The following INTS14 variants were observed in gnomAD, a reference collection of about 807,000 sequenced individuals.
The protein encoded by INTS14 is UPF0464 protein C15orf44.
A neutral mutation model predicts 56.9 loss-of-function variants in INTS14; 27 were observed. The observed-to-expected ratio is 0.47, with a 90% confidence interval of 0.35 to 0.65. INTS14 has a LOEUF of 0.65. Ranked by LOEUF, INTS14 falls within the 30% of genes least tolerant of loss-of-function variation. INTS14 has a pLI of 0.00. For synonymous variants in INTS14, 207 were observed against 236.2 expected (o/e 0.88, Z 1.13); for missense variants, 517 against 632.2 (o/e 0.82, Z 1.95).
In INTS14 at chr15:65,598,972, A is replaced by C. The variant is rs2100203794; in HGVS notation, c.505T>G (p.Leu169Val). 1 of 1,613,626 alleles carries C rather than the reference A, an allele frequency of 6.2e-7. No individual in the cohort carries two copies. The highest frequency in any genetic ancestry group is 1.7e-5 in the Admixed American group (1 of 59,948). Residue 169 changes from leucine to valine, a missense_variant, in exon 5 of 12, where the codon TTG becomes GTG. Transcript: ENST00000313182. ...TCTATGAGACGTTCAAGGCATTCCA[A>C]GGAATCGGTGCTCTGGAGCTATAAA... is the stretch of plus-strand genomic sequence containing the variant. Reference protein sequence around the residue: ...NLEELQSTDSLECLERLIDLN... With the variant: ...NLEELQSTDSVECLERLIDLN...
chr15:65,589,308 C>T (rs1298753732), intron 9 of INTS14, among the ~76,000 whole-genome samples: 1 of 152,174 alleles, frequency 6.6e-6, no homozygotes, highest in Non-Finnish European at 1.5e-5. Flanking sequence ...CAGGTGCACA[C>T]CACCATGCCC....
rs2072480207 is a variant in INTS14 at position 65,579,157 on chromosome 15, C to G, written c.*251G>C. On this transcript the variant is annotated 3_prime_UTR_variant, in exon 12 of 12. Coordinates refer to ENST00000313182, the MANE Select transcript of INTS14 (RefSeq NM_001394796.1). The stretch of plus-strand genomic sequence containing the variant: ...TCATTCAAGCTTCTCAGGAAATGTG[C>G]CCATCATGGGAACAGCAGCTATCTT... The G allele has an allele frequency of 4.5e-6, 2 of 440,756 alleles. No individual in the cohort carries two copies. The highest frequency in any genetic ancestry group is 4.0e-5 in the African/African-American group (2 of 49,990). The allele number at this position is 440,756 out of a possible 1,614,324, so 27.3% of individuals were successfully genotyped here. A position where few individuals can be genotyped will look rare whatever the true frequency, so the allele number is the denominator to read the frequency against.
At chr15:65,592,904 C>T (rs541823179) in intron 8 of INTS14, among the ~76,000 whole-genome samples, 91 of 151,932 alleles carry the variant, frequency 6.0e-4, no homozygotes, top group African/African-American at 2.1e-3. Context: ...ATAAAGGCAA[C>T]GTAATTAAAA....
intron 9 of INTS14, among the ~76,000 whole-genome samples, chr15:65,585,396 G>A (rs1367913910): frequency 6.6e-6 from 1 of 152,102 alleles, no homozygotes; most frequent in Non-Finnish European, 1.5e-5. Context: ...ATTTAATGTG[G>A]CTAGTAGCTA....
rs895650203 is a variant in INTS14 at position 65,595,660 on chromosome 15, C to T, written c.841+73G>A. 32 of 1,237,258 alleles carry T rather than the reference C, an allele frequency of 2.6e-5. No individual in the cohort carries two copies. In the African/African-American group the frequency reaches 5.0e-4, roughly 19 times the overall value. The allele number at this position is 1,237,258 out of a possible 1,614,324, so 76.6% of individuals were successfully genotyped here. ...CCCTAAATTCTGCAAAATGGGCTATCCTACTATCTAAGATTTAAGAACAAC... is the reference window on the plus strand; with the variant it reads ...CCCTAAATTCTGCAAAATGGGCTATTCTACTATCTAAGATTTAAGAACAAC... On this transcript the variant is annotated intron_variant, in intron 7 of 11. Transcript: ENST00000313182.
chr15:65,591,802 T>G, intron 8 of INTS14, 71 bp from the exon 9 acceptor site: 1 of 1,524,740 alleles, frequency 6.6e-7, no homozygotes, highest in South Asian at 1.3e-5. Flanking sequence ...AAGTCTAGCC[T>G]GTATTTTTCT....
Position 65,598,525 on chromosome 15 carries a change from C to T in INTS14, c.606-62G>A, listed in dbSNP as rs2073302122. 3 of 1,521,708 alleles carry T rather than the reference C, an allele frequency of 2.0e-6. No homozygotes were observed. The East Asian group carries it at 7.0e-5, about 35-fold the overall frequency. 94.3% of individuals were successfully genotyped at this position (1,521,708 alleles called of 1,614,324 possible). A position where few individuals can be genotyped will look rare whatever the true frequency, so the allele number is the denominator to read the frequency against. ...TACGATACATATGAAGTTAATTTTTCAGGACGCAAGGGTTGTTTTCCTTTC... is the reference window on the plus strand; with the variant it reads ...TACGATACATATGAAGTTAATTTTTTAGGACGCAAGGGTTGTTTTCCTTTC... On this transcript the variant is annotated intron_variant, in intron 5 of 11. Coordinates refer to ENST00000313182, the MANE Select transcript of INTS14 (RefSeq NM_001394796.1).
chr15:65,606,287 A>G (rs1481353800), intron 2 of INTS14, among the ~76,000 whole-genome samples: 4 of 152,092 alleles, frequency 2.6e-5, no homozygotes, highest in African/African-American at 9.7e-5. Context: ...AGATAATAAA[A>G]GGAATTATTT....
chr15:65,604,247 T>C (rs979527982), intron 3 of INTS14, among the ~76,000 whole-genome samples: 1 of 152,162 alleles, frequency 6.6e-6, no homozygotes, highest in Non-Finnish European at 1.5e-5. Flanking sequence ...CACACCCAGC[T>C]AATTTTTGTA....
rs141290360 is a variant in INTS14, at chr15:65,599,912, G to C, written c.348C>G (p.Asp116Glu). ...ACCCTCTACCAATGCCAAGACAGCCGTCTGTCACCAGGACAACCTGTTTGT... is the reference window on the plus strand; with the variant it reads ...ACCCTCTACCAATGCCAAGACAGCCCTCTGTCACCAGGACAACCTGTTTGT... ...AIPCQVVLVT[D>E]GCLGIGRGSL... The change falls in exon 4 of 12, where the codon GAC (aspartate) becomes GAG (glutamate). Residue 116 changes from aspartate (D) to glutamate (E), a missense_variant. By Grantham distance (45) the Asp-to-Glu change is conservative. Coordinates refer to ENST00000313182, the MANE Select transcript of INTS14 (RefSeq NM_001394796.1). 3 of 1,612,986 alleles carry C rather than the reference G, an allele frequency of 1.9e-6. No homozygotes were observed. Among genetic ancestry groups the C allele is most frequent in the Admixed American group, 1.7e-5 (1 of 59,746 alleles).
Position 65,607,414 on chromosome 15 carries a change from G to A in INTS14, c.-34C>T, listed in dbSNP as rs1566934194. 3 of 1,612,524 alleles carry A rather than the reference G, an allele frequency of 1.9e-6. No individual in the cohort carries two copies. Among genetic ancestry groups the A allele is most frequent in the East Asian group, 2.2e-5 (1 of 44,874 alleles). ...TGATCCCAGTGTTCCCAATCAGAAT[G>A]CAAACAGACAGCTATAAACGAAGAA... On this transcript the variant is annotated 5_prime_UTR_variant, in exon 2 of 12. Coordinates refer to ENST00000313182, the MANE Select transcript of INTS14 (RefSeq NM_001394796.1).
chr15:65,605,270 CTTTAGT>C (rs760456024), intron 2 of INTS14, 34 bp from the exon 3 acceptor site: 6 of 1,524,018 alleles, frequency 3.9e-6, no homozygotes, highest in Non-Finnish European at 5.5e-6. Context: ...GCTAGTTACT[CTTTAGT>C]TTTAATTAGG....
At chr15:65,606,223 C>G (rs1436194867) in intron 2 of INTS14, among the ~76,000 whole-genome samples, 1 of 147,378 alleles carries the variant, frequency 6.8e-6, no homozygotes, top group Admixed American at 6.8e-5. Flanking sequence ...CCACTGCACT[C>G]CAGCCTGGGC....
chr15:65,585,739 G>A (rs2072795160), intron 9 of INTS14, among the ~76,000 whole-genome samples: 1 of 152,148 alleles, frequency 6.6e-6, no homozygotes, highest in African/African-American at 2.4e-5. Context: ...TACAAGTTCA[G>A]AGAACTTAAA....
chr15:65,583,866 CAA>C (rs1253644750), intron 10 of INTS14, among the ~76,000 whole-genome samples: 1 of 152,150 alleles, frequency 6.6e-6, no homozygotes, highest in African/African-American at 2.4e-5. Flanking sequence ...GATTTTCCAA[CAA>C]AGAGGCCCCT....
At chr15:65,596,412 C>G (rs1219789008) in intron 6 of INTS14, among the ~76,000 whole-genome samples, 2 of 151,764 alleles carry the variant, frequency 1.3e-5, no homozygotes, top group Non-Finnish European at 2.9e-5. Flanking sequence ...AACTTAAAAA[C>G]AATAAAAATT....
rs2141233671 is a variant in INTS14 at position 65,578,889 on chromosome 15, A to G, written c.*519T>C. ...AAAGTTAGAATCTCAAGAGATACCA[A>G]AAGCACTTAAGAGTTACCACCACAT... On this transcript the variant is annotated 3_prime_UTR_variant, in exon 12 of 12. Coordinates refer to ENST00000313182, the MANE Select transcript of INTS14 (RefSeq NM_001394796.1). 6.6e-6 allele frequency: 1 copy of G among 152,474 alleles called. No individual in the cohort carries two copies. Among genetic ancestry groups the G allele is most frequent in the African/African-American group, 2.4e-5 (1 of 41,584 alleles). 9.4% of individuals were successfully genotyped at this position (152,474 alleles called of 1,614,324 possible). A position where few individuals can be genotyped will look rare whatever the true frequency, so the allele number is the denominator to read the frequency against.
intron 3 of INTS14, among the ~76,000 whole-genome samples, chr15:65,604,703 C>T (rs1292738752): frequency 7.0e-6 from 1 of 143,020 alleles, no homozygotes; most frequent in African/African-American, 2.7e-5. Context: ...GCACTCCAGC[C>T]TGGGCAACAA....
chr15:65,608,916 C>T (rs115580506), intron 1 of INTS14, among the ~76,000 whole-genome samples: 2,195 of 152,234 alleles, frequency 0.014, 67 homozygotes, highest in African/African-American at 0.05. Context: ...GTTTTTGAGA[C>T]GGAGTCTTGC....
Sources: allele counts gnomAD v4.1 joint callset (sites outside exome capture counted in the v4.1 genomes callset), GRCh38; gene constraint gnomAD v4.1.1; transcripts MANE v1.5; gene names NCBI Gene and HGNC (gene_info 2026-07-23, HGNC 2026-07-21).